The following FBXW7 variants were observed in gnomAD, a reference collection of about 807,000 sequenced individuals.
The protein encoded by FBXW7 is F-box/WD repeat-containing protein 7.
In FBXW7, 11 loss-of-function variants were observed where a neutral mutation model predicts 86.3. That is an observed-to-expected ratio of 0.13 (90% CI 0.08 to 0.21). The LOEUF (loss-of-function observed/expected upper bound fraction) is 0.21. FBXW7 is among the 10% of genes least tolerant of loss of function. FBXW7 has a pLI of 1.00. For synonymous variants in FBXW7, 313 were observed against 297.9 expected (o/e 1.05, Z -0.52); for missense variants, 488 against 847.4 (o/e 0.58, Z 5.27).
chr4:152,437,754 C>T (rs1026483077), intron 2 of FBXW7, among the ~76,000 whole-genome samples: 7 of 152,208 alleles, frequency 4.6e-5, no homozygotes, highest in African/African-American at 1.7e-4. Flanking sequence ...GAAACTGACA[C>T]AGCCATTCCA....
At chr4:152,413,884 G>A (rs1199604687) in intron 2 of FBXW7, among the ~76,000 whole-genome samples, 2 of 152,020 alleles carry the variant, frequency 1.3e-5, no homozygotes, top group African/African-American at 4.8e-5. Flanking sequence ...TCAGAGAAAG[G>A]GAATTATGAA....
chr4:152,508,247 G>A (rs905765964), intron 2 of FBXW7, among the ~76,000 whole-genome samples: 1 of 151,788 alleles, frequency 6.6e-6, no homozygotes, highest in African/African-American at 2.4e-5. Flanking sequence ...TGATATAAGA[G>A]GGGAAAAAAA....
intron 2 of FBXW7, among the ~76,000 whole-genome samples, chr4:152,476,545 C>T (rs1216905405): frequency 6.6e-6 from 1 of 152,086 alleles, no homozygotes; most frequent in Non-Finnish European, 1.5e-5. Flanking sequence ...AAAATACTTG[C>T]AAATCACACA....
At chr4:152,428,822 A>G (rs2126940879) in intron 2 of FBXW7, among the ~76,000 whole-genome samples, 1 of 152,380 alleles carries the variant, frequency 6.6e-6, no homozygotes. Context: ...TGTTTTGCCT[A>G]AAATCTTACC....
intron 4 of FBXW7, among the ~76,000 whole-genome samples, chr4:152,398,111 T>A (rs926084098): frequency 1.3e-5 from 2 of 152,020 alleles, no homozygotes; most frequent in Non-Finnish European, 2.9e-5. Context: ...CCACATATTA[T>A]CTGACAGTGC....
At position 152,508,677 on chromosome 4, in the gene FBXW7, AC is replaced by A. The variant is rs199909778; in HGVS notation, c.-120+26263del. On this transcript the variant is annotated intron_variant, in intron 2 of 13. Coordinates refer to ENST00000281708, the MANE Select transcript of FBXW7 (RefSeq NM_001349798.2). ...TGCAAAAAAAAAAAAGAAAAAAAAAACAGCAAGGAAGTTAAAAATTGGTAGA... is the reference window on the plus strand; with the variant it reads ...TGCAAAAAAAAAAAAGAAAAAAAAAAAGCAAGGAAGTTAAAAATTGGTAGA... 7.0e-3 allele frequency among the ~76,000 whole-genome samples: 1,049 copies of A among 149,362 alleles called. 10 individuals carry two copies. Among genetic ancestry groups the A allele is most frequent in the African/African-American group, 0.013 (514 of 40,874 alleles).
intron 2 of FBXW7, among the ~76,000 whole-genome samples, chr4:152,428,338 A>T (rs1462864793): frequency 3.3e-5 from 5 of 152,256 alleles, no homozygotes; most frequent in African/African-American, 1.2e-4. Flanking sequence ...TTTTATAAAT[A>T]TAAAATTCAA....
In FBXW7 at chr4:152,322,777, G is replaced by A. The variant is rs1213487967; in HGVS notation, c.*104C>T. On this transcript the variant is annotated 3_prime_UTR_variant, in exon 14 of 14. Transcript: ENST00000281708. Reference sequence around the variant, plus strand: ...CCAAGCCAACATCCTGCACCACTGAGAACAAGGGATTTTTTTCTTTTTCTT... The same window carrying A: ...CCAAGCCAACATCCTGCACCACTGAAAACAAGGGATTTTTTTCTTTTTCTT... The A allele has an allele frequency of 3.9e-6, 6 of 1,529,564 alleles. No individual in the cohort carries two copies. The highest frequency in any genetic ancestry group is 5.2e-6 in the Non-Finnish European group (6 of 1,143,100). 94.7% of individuals were successfully genotyped at this position (1,529,564 alleles called of 1,614,324 possible).
intron 7 of FBXW7, among the ~76,000 whole-genome samples, chr4:152,333,477 A>C (rs2126555999): frequency 6.6e-6 from 1 of 152,170 alleles, no homozygotes; most frequent in South Asian, 2.1e-4. Context: ...GGAAAAATAA[A>C]GAGAAAAAAA....
At chr4:152,338,329 T>C (rs1039084047) in intron 6 of FBXW7, among the ~76,000 whole-genome samples, 1 of 151,980 alleles carries the variant, frequency 6.6e-6, no homozygotes, top group Non-Finnish European at 1.5e-5. Context: ...GTAAGCACCA[T>C]AAAATTAGAT....
intron 2 of FBXW7, among the ~76,000 whole-genome samples, chr4:152,417,119 A>G (rs1738505123): frequency 6.6e-6 from 1 of 152,078 alleles, no homozygotes; most frequent in Admixed American, 6.6e-5. Flanking sequence ...CAGGGTTCCA[A>G]CTATCACACA....
intron 2 of FBXW7, among the ~76,000 whole-genome samples, chr4:152,466,509 T>G (rs1579280986): frequency 1.4e-5 from 2 of 147,730 alleles, no homozygotes; most frequent in South Asian, 4.3e-4. Context: ...GAGCCAAGAT[T>G]GTGCCACTGC....
At chr4:152,424,218 T>C (rs956982795) in intron 2 of FBXW7, among the ~76,000 whole-genome samples, 9 of 152,132 alleles carry the variant, frequency 5.9e-5, no homozygotes, top group Admixed American at 1.3e-4. Context: ...TAGGGCCCAG[T>C]TTCTGCATTT....
At chr4:152,410,882 G>A (rs2126873818) in intron 4 of FBXW7, among the ~76,000 whole-genome samples, 1 of 152,184 alleles carries the variant, frequency 6.6e-6, no homozygotes. Flanking sequence ...CAACTTCTGA[G>A]TAATTTATGC....
intron 4 of FBXW7, among the ~76,000 whole-genome samples, chr4:152,373,861 C>T (rs1238466470): frequency 6.6e-6 from 1 of 152,004 alleles, no homozygotes; most frequent in Admixed American, 6.6e-5. Context: ...CGGTGGCTTG[C>T]ACAGCACAGA....
intron 2 of FBXW7, among the ~76,000 whole-genome samples, chr4:152,534,024 A>T (rs1208213434): frequency 6.6e-6 from 1 of 152,190 alleles, no homozygotes; most frequent in Non-Finnish European, 1.5e-5. Flanking sequence ...TTTAACCCTT[A>T]AGGTCTGTAT....
At chr4:152,526,260 AT>A (rs1480674138) in intron 2 of FBXW7, among the ~76,000 whole-genome samples, 2 of 152,032 alleles carry the variant, frequency 1.3e-5, no homozygotes, top group Non-Finnish European at 2.9e-5. Context: ...TCTAGCTTAG[AT>A]TTTTTTCATA....
chr4:152,442,349 A>G (rs1740969345), intron 2 of FBXW7, among the ~76,000 whole-genome samples: 1 of 152,214 alleles, frequency 6.6e-6, no homozygotes, highest in African/African-American at 2.4e-5. Context: ...AACGAAATCT[A>G]TGGCTCCTTC....
chr4:152,364,204 G>C (rs1363340826), intron 4 of FBXW7, among the ~76,000 whole-genome samples: 1 of 152,146 alleles, frequency 6.6e-6, no homozygotes, highest in Non-Finnish European at 1.5e-5. Flanking sequence ...AGGCCAGGCA[G>C]TCATCAGTGG....
Sources: allele counts gnomAD v4.1 joint callset (sites outside exome capture counted in the v4.1 genomes callset), GRCh38; gene constraint gnomAD v4.1.1; transcripts MANE v1.5; gene names NCBI Gene and HGNC (gene_info 2026-07-23, HGNC 2026-07-21).